The following TMEM132D variants were observed in gnomAD, a reference collection of about 807,000 sequenced individuals.
TMEM132D encodes the protein transmembrane protein 132D.
TMEM132D carries 21 observed loss-of-function variants against 62.3 expected under a neutral mutation model. The ratio of observed to expected loss-of-function variants is 0.34; its 90% CI spans 0.24 to 0.49. TMEM132D has a LOEUF of 0.49. Among genes scored for constraint, TMEM132D ranks in the 20% least tolerant of loss-of-function variants. TMEM132D has a pLI of 0.99. For synonymous variants in TMEM132D, 621 were observed against 575.6 expected (o/e 1.08, Z -1.13); for missense variants, 1,346 against 1,402.8 (o/e 0.96, Z 0.65).
rs566431770 is a variant in TMEM132D at position 129,480,414 on chromosome 12, G to A, written c.1115+50645C>T. 6.6e-5 allele frequency among the ~76,000 whole-genome samples: 10 copies of A among 152,368 alleles called. No homozygotes were observed. The South Asian group carries it at 1.9e-3, about 28-fold the overall frequency. ...AGTTTAAAAGCATCCTCTGGCTGCTGTGTTGGGACTCAAATGCAGGGAGCA... is the reference window on the plus strand; with the variant it reads ...AGTTTAAAAGCATCCTCTGGCTGCTATGTTGGGACTCAAATGCAGGGAGCA... On this transcript the variant is annotated intron_variant, in intron 3 of 8. Coordinates refer to ENST00000422113, the MANE Select transcript of TMEM132D (RefSeq NM_133448.3).
chr12:129,537,964 A>G (rs1285003100), intron 2 of TMEM132D, among the ~76,000 whole-genome samples: 2 of 152,188 alleles, frequency 1.3e-5, no homozygotes, highest in South Asian at 2.1e-4. Context: ...TCCTGGCCTC[A>G]TCGACGCGGC....
Position 129,814,740 on chromosome 12 carries a change from CT to C in TMEM132D, c.79+88520del, listed in dbSNP as rs1872297168. On this transcript the variant is annotated intron_variant, in intron 1 of 8. Transcript: ENST00000422113. ...TTTGAGCTGTCAACCGCTCTACTAA[CT>C]GAGCTCTAACCACTCTGAGCTCCTT... Among the ~76,000 whole-genome samples, 3 of 152,016 alleles carry C rather than the reference CT, an allele frequency of 2.0e-5. No homozygotes were observed. In the South Asian group the frequency reaches 6.2e-4, roughly 32 times the overall value.
At chr12:129,244,843 A>G (rs1380441220) in intron 4 of TMEM132D, among the ~76,000 whole-genome samples, 1 of 151,890 alleles carries the variant, frequency 6.6e-6, no homozygotes, top group East Asian at 1.9e-4. Flanking sequence ...GCTTCAGCAT[A>G]TTGGCCAGGC....
At chr12:129,789,861 C>T (rs1871351363) in intron 1 of TMEM132D, among the ~76,000 whole-genome samples, 1 of 152,208 alleles carries the variant, frequency 6.6e-6, no homozygotes, top group Admixed American at 6.5e-5. Context: ...ATCTAACAAA[C>T]AATTTAATCT....
At chr12:129,352,115 TC>T (rs1869886602) in intron 3 of TMEM132D, among the ~76,000 whole-genome samples, 1 of 152,158 alleles carries the variant, frequency 6.6e-6, no homozygotes, top group South Asian at 2.1e-4. Context: ...TGGGCTGCGT[TC>T]CCAGGAAGTT....
chr12:129,803,841 A>C (rs1871883491), intron 1 of TMEM132D, among the ~76,000 whole-genome samples: 2 of 148,966 alleles, frequency 1.3e-5, no homozygotes, highest in South Asian at 4.3e-4. Flanking sequence ...GATGCAATAA[A>C]AAATGATAAA....
intron 1 of TMEM132D, chr12:129,853,872 C>T (rs887442349): frequency 6.6e-6 from 1 of 152,196 alleles, no homozygotes; most frequent in Non-Finnish European, 1.5e-5. Flanking sequence ...CATCACGCAA[C>T]TCCACTCCAT....
chr12:129,825,987 AG>A (rs1872652783), intron 1 of TMEM132D, among the ~76,000 whole-genome samples: 1 of 152,172 alleles, frequency 6.6e-6, no homozygotes, highest in South Asian at 2.1e-4. Flanking sequence ...TCATGAGCTC[AG>A]GGGGCAGAGG....
intron 5 of TMEM132D, among the ~76,000 whole-genome samples, chr12:129,091,644 T>A (rs1195919130): frequency 3.9e-5 from 6 of 152,078 alleles, no homozygotes; most frequent in Admixed American, 1.3e-4. Flanking sequence ...TTACCTACCC[T>A]CACCTGGGCT....
intron 5 of TMEM132D, among the ~76,000 whole-genome samples, chr12:129,147,502 C>A (rs1876946036): frequency 6.6e-6 from 1 of 152,092 alleles, no homozygotes; most frequent in Non-Finnish European, 1.5e-5. Flanking sequence ...TCGGTGAACA[C>A]TTCATTTAAA....
At chr12:129,559,023 C>G (rs1048752235) in intron 2 of TMEM132D, among the ~76,000 whole-genome samples, 3 of 152,142 alleles carry the variant, frequency 2.0e-5, no homozygotes, top group Non-Finnish European at 4.4e-5. Flanking sequence ...TACATGGATG[C>G]CAAAGGAGTT....
chr12:129,471,551 A>G (rs1258399790), intron 3 of TMEM132D, among the ~76,000 whole-genome samples: 1 of 152,188 alleles, frequency 6.6e-6, no homozygotes, highest in Non-Finnish European at 1.5e-5. Flanking sequence ...TAGTGAAATG[A>G]AACCAGTTAC....
At chr12:129,397,379 A>G (rs1431079128) in intron 3 of TMEM132D, among the ~76,000 whole-genome samples, 2 of 152,172 alleles carry the variant, frequency 1.3e-5, no homozygotes, top group African/African-American at 4.8e-5. Context: ...TGTGGTCTTG[A>G]CGAACAAGAG....
At chr12:129,581,963 G>C (rs988466405) in intron 2 of TMEM132D, among the ~76,000 whole-genome samples, 4 of 152,140 alleles carry the variant, frequency 2.6e-5, no homozygotes, top group Non-Finnish European at 5.9e-5. Context: ...CATCCCATTT[G>C]CCCAGAACAC....
chr12:129,665,682 G>T (rs901355881), intron 2 of TMEM132D, among the ~76,000 whole-genome samples: 7 of 152,124 alleles, frequency 4.6e-5, no homozygotes, highest in African/African-American at 1.4e-4. Flanking sequence ...TATGGGTAGA[G>T]ACTTGCTATG....
At chr12:129,605,604 T>TATATATATATACACACACAC (rs150550863) in intron 2 of TMEM132D, among the ~76,000 whole-genome samples, 4 of 106,148 alleles carry the variant, frequency 3.8e-5, no homozygotes, top group Non-Finnish European at 7.7e-5. Flanking sequence ...TATATATATA[T>TATATATATATACACACACAC]ACACACACAT....
At chr12:129,747,831 C>T (rs1476731658) in intron 1 of TMEM132D, among the ~76,000 whole-genome samples, 2 of 119,266 alleles carry the variant, frequency 1.7e-5, no homozygotes, top group Admixed American at 1.8e-4. Context: ...ACACACTCGA[C>T]ACACATTCAG....
intron 4 of TMEM132D, among the ~76,000 whole-genome samples, chr12:129,230,863 A>G (rs577081546): frequency 1.3e-5 from 2 of 152,334 alleles, no homozygotes; most frequent in East Asian, 3.9e-4. Context: ...CTGAAACCTC[A>G]GGAGTGATGG....
At chr12:129,533,718 T>C (rs1876294717) in intron 2 of TMEM132D, among the ~76,000 whole-genome samples, 2 of 152,264 alleles carry the variant, frequency 1.3e-5, no homozygotes, top group South Asian at 2.1e-4. Context: ...AATTCCACTG[T>C]AGCAAATGAA....
Sources: allele counts gnomAD v4.1 joint callset (sites outside exome capture counted in the v4.1 genomes callset), GRCh38; gene constraint gnomAD v4.1.1; transcripts MANE v1.5; gene names NCBI Gene and HGNC (gene_info 2026-07-23, HGNC 2026-07-21).